Variants in RAPGEF4 observed in about 807,000 individuals in gnomAD.
The protein encoded by RAPGEF4 is Rap guanine nucleotide exchange factor 4.
In RAPGEF4, 66 loss-of-function variants were observed where a neutral mutation model predicts 147.9. That is an observed-to-expected ratio of 0.45 (90% CI 0.37 to 0.55). The LOEUF (loss-of-function observed/expected upper bound fraction) is 0.55. Ranked by LOEUF, RAPGEF4 falls within the 20% of genes least tolerant of loss-of-function variation. The probability of loss-of-function intolerance (pLI) is 0.00; values close to 1 mark genes in which losing one functional copy is unlikely to be tolerated. For missense variants in RAPGEF4, 1,071 were observed against 1,257.3 expected (o/e 0.85, Z 2.24); for synonymous variants, 419 against 442.7 (o/e 0.95, Z 0.67).
intron 17 of RAPGEF4, among the ~76,000 whole-genome samples, chr2:173,001,995 A>AAAAAAAAAAAAAAAAC (rs1693978884): frequency 1.3e-5 from 1 of 75,270 alleles, no homozygotes; most frequent in Non-Finnish European, 2.7e-5. Context: ...GATGCTGGCA[A>AAAAAAAAAAAAAAAAC]AAAAAAAAAA....
chr2:172,767,209 G>A (rs975515667), intron 1 of RAPGEF4, among the ~76,000 whole-genome samples: 1 of 129,248 alleles, frequency 7.7e-6, no homozygotes, highest in Non-Finnish European at 1.6e-5. Context: ...ACGGAGTTTT[G>A]CTCTTGTTGC....
In RAPGEF4 at chr2:173,051,903, G is replaced by A; in HGVS notation, c.*136G>A. On this transcript the variant is annotated 3_prime_UTR_variant, in exon 31 of 31. Transcript: ENST00000397081. ...AAAACACATCCTGAGACACCTCAGG[G>A]CTGCATTCAGCTTACCAGCTACCTA... 1 of 928,006 alleles carries A rather than the reference G, an allele frequency of 1.1e-6. No homozygotes were observed. Among genetic ancestry groups the A allele is most frequent in the Non-Finnish European group, 1.6e-6 (1 of 622,024 alleles). The allele number at this position is 928,006 out of a possible 1,614,324, so 57.5% of individuals were successfully genotyped here. A position where few individuals can be genotyped will look rare whatever the true frequency, so the allele number is the denominator to read the frequency against.
At chr2:172,836,935 AAG>A (rs1199231674) in intron 4 of RAPGEF4, among the ~76,000 whole-genome samples, 6 of 152,180 alleles carry the variant, frequency 3.9e-5, no homozygotes, top group Non-Finnish European at 7.4e-5. Flanking sequence ...GAGATTTGTG[AAG>A]TGTTTGATAT....
At chr2:173,028,828 G>A (rs951317340) in intron 25 of RAPGEF4, among the ~76,000 whole-genome samples, 1 of 152,190 alleles carries the variant, frequency 6.6e-6, no homozygotes, top group African/African-American at 2.4e-5. Flanking sequence ...CAACATATTT[G>A]TTTTAAGCTC....
chr2:173,040,448 C>T (rs775706193), intron 29 of RAPGEF4, among the ~76,000 whole-genome samples: 3 of 152,160 alleles, frequency 2.0e-5, no homozygotes, highest in South Asian at 2.1e-4. Flanking sequence ...AGTCATCCAT[C>T]GTCAAGGCCC....
chr2:172,939,496 T>C (rs1349856555), intron 6 of RAPGEF4, among the ~76,000 whole-genome samples: 1 of 152,198 alleles, frequency 6.6e-6, no homozygotes, highest in Admixed American at 6.5e-5. Flanking sequence ...GGTTCTTTTC[T>C]TATTGTTTGG....
chr2:172,738,890 T>C (rs567835256), intron 1 of RAPGEF4, among the ~76,000 whole-genome samples: 16 of 152,114 alleles, frequency 1.1e-4, no homozygotes, highest in Non-Finnish European at 2.1e-4. Context: ...TAAAGAAGTA[T>C]ACAATGAAAT....
intron 4 of RAPGEF4, among the ~76,000 whole-genome samples, chr2:172,878,650 C>G (rs1395215346): frequency 6.6e-6 from 1 of 152,104 alleles, no homozygotes. Flanking sequence ...GAAACAACAC[C>G]TGGATGAGAA....
intron 4 of RAPGEF4, among the ~76,000 whole-genome samples, chr2:172,903,096 C>T (rs1437426042): frequency 1.3e-5 from 2 of 152,014 alleles, no homozygotes; most frequent in Non-Finnish European, 2.9e-5. Context: ...CGGCCAGGTG[C>T]GGTGGCTCAA....
chr2:172,990,297 T>C (rs1262982001), intron 14 of RAPGEF4, among the ~76,000 whole-genome samples: 1 of 152,250 alleles, frequency 6.6e-6, no homozygotes, highest in East Asian at 1.9e-4. Context: ...TTATCATTGA[T>C]GTAATTTATA....
intron 10 of RAPGEF4, among the ~76,000 whole-genome samples, chr2:172,979,328 A>G (rs1691428595): frequency 6.6e-6 from 1 of 152,204 alleles, no homozygotes; most frequent in Non-Finnish European, 1.5e-5. Flanking sequence ...GGCAGACCCT[A>G]AATTCAGCAT....
intron 4 of RAPGEF4, among the ~76,000 whole-genome samples, chr2:172,833,274 T>G (rs994199757): frequency 7.9e-5 from 12 of 151,522 alleles, no homozygotes; most frequent in African/African-American, 2.9e-4. Context: ...TTTTTTTTTT[T>G]TTTGTCATTA....
chr2:172,790,558 G>GAAATTCCT (rs1407023587), intron 1 of RAPGEF4, among the ~76,000 whole-genome samples: 1 of 152,106 alleles, frequency 6.6e-6, no homozygotes, highest in African/African-American at 2.4e-5. Flanking sequence ...TATACTGCAA[G>GAAATTCCT]AACTTCCTAA....
chr2:173,027,004 G>C (rs1696726393), intron 24 of RAPGEF4, 77 bp from the exon 25 acceptor site: 1 of 1,332,304 alleles, frequency 7.5e-7, no homozygotes, highest in South Asian at 1.5e-5. Context: ...GTAAAACACT[G>C]TCTTGACAAA....
intron 6 of RAPGEF4, among the ~76,000 whole-genome samples, chr2:172,941,038 A>G (rs747459448): frequency 2.2e-4 from 34 of 152,192 alleles, no homozygotes; most frequent in Non-Finnish European, 4.7e-4. Flanking sequence ...TGATATGTGG[A>G]AAAACAATTG....
In RAPGEF4 at chr2:172,972,211, C is replaced by A. The variant is rs187675908; in HGVS notation, c.1004+4767C>A. The stretch of plus-strand genomic sequence containing the variant: ...TTCCACACACTTGCTCTAGAGGGCG[C>A]GTGAGAGCCTGTGTATTGTGTCTTA... On this transcript the variant is annotated intron_variant, in intron 10 of 30. Coordinates refer to ENST00000397081, the MANE Select transcript of RAPGEF4 (RefSeq NM_007023.4). Among the ~76,000 whole-genome samples, 154 of 152,198 alleles carry A rather than the reference C, an allele frequency of 1.0e-3. No individual in the cohort carries two copies. The South Asian group carries it at 0.011, about 11-fold the overall frequency.
At chr2:173,010,257 A>T (rs909401559) in intron 17 of RAPGEF4, among the ~76,000 whole-genome samples, 5 of 152,208 alleles carry the variant, frequency 3.3e-5, no homozygotes, top group African/African-American at 1.2e-4. Context: ...AATGGTGTTT[A>T]AAATACTAAT....
At chr2:172,879,501 G>A (rs866753213) in intron 4 of RAPGEF4, among the ~76,000 whole-genome samples, 2 of 152,226 alleles carry the variant, frequency 1.3e-5, no homozygotes, top group African/African-American at 2.4e-5. Context: ...TTTACTCTAC[G>A]TACTTCTGAC....
chr2:172,919,831 CT>C (rs1225419808), intron 5 of RAPGEF4, among the ~76,000 whole-genome samples: 2 of 152,148 alleles, frequency 1.3e-5, no homozygotes, highest in Admixed American at 6.5e-5. Flanking sequence ...TTGTTCTCCT[CT>C]TGTGCTGGGC....
Sources: gnomAD v4.1 joint callset for allele counts (sites outside exome capture counted in the v4.1 genomes callset) on GRCh38, gnomAD v4.1.1 for gene constraint, MANE v1.5 for transcripts, NCBI Gene and HGNC (gene_info 2026-07-23, HGNC 2026-07-21) for gene names.